ENPP6: variants seen among roughly 807,000 people sequenced by gnomAD.
ENPP6 encodes the protein glycerophosphocholine cholinephosphodiesterase ENPP6.
ENPP6 carries 32 observed loss-of-function variants against 42.0 expected under a neutral mutation model. The observed-to-expected ratio is 0.76, with a 90% CI of 0.58 to 1.02. The LOEUF is 1.02. Ranked by LOEUF, ENPP6 falls within the 50% of genes least tolerant of loss-of-function variation. The pLI is 0.00. For synonymous variants in ENPP6, 213 were observed against 216.0 expected (o/e 0.99, Z 0.12); for missense variants, 552 against 566.8 (o/e 0.97, Z 0.27).
Position 184,131,593 on chromosome 4 carries a change from A to G in ENPP6, c.422-7321T>C, listed in dbSNP as rs1736636188. Among the ~76,000 whole-genome samples, 6 of 149,974 alleles carry G rather than the reference A, an allele frequency of 4.0e-5. No homozygotes were observed. In the South Asian group the frequency reaches 1.3e-3, roughly 32 times the overall value. On this transcript the variant is annotated intron_variant, in intron 2 of 7. Coordinates refer to ENST00000296741, the MANE Select transcript of ENPP6 (RefSeq NM_153343.4). ...TGGCCAGGCTGGTCTTGAACTCTTG[A>G]CCTCAGGTGATCCACCTGCCTTGGC...
chr4:184,202,056 T>A (rs1284380495), intron 1 of ENPP6, among the ~76,000 whole-genome samples: 1 of 152,198 alleles, frequency 6.6e-6, no homozygotes, highest in African/African-American at 2.4e-5. Flanking sequence ...AGGATCAATT[T>A]CTCTCCTTTG....
At chr4:184,217,228 C>T (rs549995692) in intron 1 of ENPP6, among the ~76,000 whole-genome samples, 4 of 152,120 alleles carry the variant, frequency 2.6e-5, no homozygotes, top group African/African-American at 9.6e-5. Context: ...CATGCACGGA[C>T]ACCTGTTGCT....
intron 1 of ENPP6, among the ~76,000 whole-genome samples, chr4:184,163,309 C>T (rs2111085990): frequency 6.6e-6 from 1 of 152,276 alleles, no homozygotes; most frequent in African/African-American, 2.4e-5. Context: ...GAATAACTCC[C>T]TGCCCTTTGT....
chr4:184,203,101 A>T (rs1732931911), intron 1 of ENPP6, among the ~76,000 whole-genome samples: 1 of 151,754 alleles, frequency 6.6e-6, no homozygotes, highest in Non-Finnish European at 1.5e-5. Context: ...AAAAAAAAAA[A>T]ATAGCCAAGT....
intron 1 of ENPP6, among the ~76,000 whole-genome samples, chr4:184,209,033 T>C (rs1161104129): frequency 5.5e-5 from 8 of 144,394 alleles, no homozygotes; most frequent in South Asian, 2.2e-4. Flanking sequence ...GTCCTGTCTG[T>C]TAGAAGGAAA....
intron 2 of ENPP6, among the ~76,000 whole-genome samples, chr4:184,129,151 C>T (rs1386303972): frequency 2.0e-5 from 3 of 151,892 alleles, no homozygotes; most frequent in East Asian, 1.9e-4. Flanking sequence ...TAGAACTTCT[C>T]GAACAGGAAA....
chr4:184,164,045 A>G (rs1458539472), intron 1 of ENPP6, among the ~76,000 whole-genome samples: 1 of 152,148 alleles, frequency 6.6e-6, no homozygotes, highest in Non-Finnish European at 1.5e-5. Flanking sequence ...CAGCACAGGG[A>G]CCTGGGCTGT....
intron 1 of ENPP6, among the ~76,000 whole-genome samples, chr4:184,185,069 A>G (rs950509290): frequency 6.6e-6 from 1 of 152,238 alleles, no homozygotes; most frequent in Non-Finnish European, 1.5e-5. Flanking sequence ...GATGAATTGT[A>G]TGAATCCTGA....
At chr4:184,147,511 A>T (rs1475693949) in intron 2 of ENPP6, among the ~76,000 whole-genome samples, 1 of 152,194 alleles carries the variant, frequency 6.6e-6, no homozygotes, top group African/African-American at 2.4e-5. Flanking sequence ...CATGGGCCAG[A>T]TGCTCATGCC....
chr4:184,131,255 TTTC>T (rs796306333), intron 2 of ENPP6, among the ~76,000 whole-genome samples: 3,929 of 25,482 alleles, frequency 0.15, 443 homozygotes, highest in South Asian at 0.25. Flanking sequence ...TTTCTTTCTC[TTTC>T]TCTTCCTTCC....
Position 184,117,914 on chromosome 4 carries a change from G to A in ENPP6, c.534-14C>T, listed in dbSNP as rs1401093826. The A allele has an allele frequency of 3.1e-6, 5 of 1,613,170 alleles. No homozygotes were observed. Among genetic ancestry groups the A allele is most frequent in the Non-Finnish European group, 4.2e-6 (5 of 1,179,572 alleles). On this transcript the variant is annotated splice_polypyrimidine_tract_variant and intron_variant, in intron 3 of 7. Coordinates refer to ENST00000296741, the MANE Select transcript of ENPP6 (RefSeq NM_153343.4). Reference sequence around the variant, plus strand: ...GCCCGGCCACTCCTGGAGGGACAGAGGAGAGAGGCATAGGTGAGGGAGGCC... The same window carrying A: ...GCCCGGCCACTCCTGGAGGGACAGAAGAGAGAGGCATAGGTGAGGGAGGCC...
At chr4:184,129,381 C>T (rs1404578752) in intron 2 of ENPP6, among the ~76,000 whole-genome samples, 1 of 151,932 alleles carries the variant, frequency 6.6e-6, no homozygotes, top group Non-Finnish European at 1.5e-5. Context: ...CTTTCTTCTT[C>T]TATTCTGTTC....
intron 6 of ENPP6, among the ~76,000 whole-genome samples, chr4:184,105,290 G>T (rs1334916771): frequency 6.6e-6 from 1 of 152,178 alleles, no homozygotes; most frequent in Non-Finnish European, 1.5e-5. Context: ...TTTGCAGTAT[G>T]ACACGAGCAA....
intron 1 of ENPP6, among the ~76,000 whole-genome samples, chr4:184,177,252 G>A (rs1737580254): frequency 6.6e-6 from 1 of 152,210 alleles, no homozygotes; most frequent in Non-Finnish European, 1.5e-5. Context: ...GCAGATCATG[G>A]CCAGGCTACC....
chr4:184,191,130 G>A (rs989941802), intron 1 of ENPP6, among the ~76,000 whole-genome samples: 1 of 152,206 alleles, frequency 6.6e-6, no homozygotes, highest in African/African-American at 2.4e-5. Flanking sequence ...GCAGGATGGC[G>A]GCCCTGAGAG....
chr4:184,113,943 C>T (rs1736266873), intron 5 of ENPP6, among the ~76,000 whole-genome samples: 1 of 136,048 alleles, frequency 7.4e-6, no homozygotes, highest in Non-Finnish European at 1.6e-5. Context: ...TTCTTTCTTT[C>T]TTTCTTTCTT....
intron 1 of ENPP6, among the ~76,000 whole-genome samples, chr4:184,163,317 T>G (rs1259741873): frequency 6.6e-6 from 1 of 152,138 alleles, no homozygotes; most frequent in East Asian, 1.9e-4. Flanking sequence ...CCCTGCCCTT[T>G]GTATATATTG....
chr4:184,181,030 A>G (rs1732543815), intron 1 of ENPP6, among the ~76,000 whole-genome samples: 1 of 152,192 alleles, frequency 6.6e-6, no homozygotes, highest in Admixed American at 6.5e-5. Context: ...CAAGAGAAAG[A>G]AATAAAGTGT....
chr4:184,144,029 CT>C (rs1560991313), intron 2 of ENPP6, among the ~76,000 whole-genome samples: 10 of 152,052 alleles, frequency 6.6e-5, no homozygotes, highest in African/African-American at 2.4e-4. Context: ...ACAGACTCAG[CT>C]AGGAAAGGTG....
Sources: gnomAD v4.1 joint callset for allele counts (sites outside exome capture counted in the v4.1 genomes callset) on GRCh38, gnomAD v4.1.1 for gene constraint, MANE v1.5 for transcripts, NCBI Gene and HGNC (gene_info 2026-07-23, HGNC 2026-07-21) for gene names.